CACNA1E: variants seen among roughly 807,000 people sequenced by gnomAD.
CACNA1E encodes voltage-dependent R-type calcium channel subunit alpha-1E.
CACNA1E carries 40 observed loss-of-function variants against 259.2 expected under a neutral mutation model. The observed-to-expected ratio is 0.15, with a 90% confidence interval of 0.12 to 0.20. The LOEUF (loss-of-function observed/expected upper bound fraction) is 0.20, where lower values mean the gene tolerates loss of function less well. Among genes scored for constraint, CACNA1E ranks in the 10% least tolerant of loss-of-function variants. The pLI, the probability that CACNA1E is intolerant of heterozygous loss-of-function variation, is 1.00. For synonymous variants in CACNA1E, 1,104 were observed against 1,138.5 expected, an observed-to-expected ratio of 0.97 and a Z score of 0.61; for missense variants, 1,874 against 3,040.1, an observed-to-expected ratio of 0.62 and a Z score of 9.02.
chr1:181,651,221 A>G (rs1658731018), intron 6 of CACNA1E, 117 bp from the exon 7 acceptor site: 2 of 664,238 alleles, frequency 3.0e-6, no homozygotes, highest in South Asian at 1.9e-5. Flanking sequence ...GAGTAAGGCA[A>G]TATTTAACTG....
chr1:181,431,707 T>A lies in CACNA1E; in HGVS notation c.434+18127T>A, dbSNP rs562523995. On this transcript the variant is annotated intron_variant, in intron 2 of 11. Transcript: ENST00000524607. ...ATGGAGCCTGCTTTGCCTGGCATTC[T>A]GCAGGATTCTTTAGTACAAGGATTT... Among the ~76,000 whole-genome samples, 10 of 152,358 alleles carry A rather than the reference T, an allele frequency of 6.6e-5. No homozygotes were observed. The East Asian group carries it at 1.7e-3, about 26-fold the overall frequency.
At position 181,325,897 on chromosome 1, in the gene CACNA1E, G is replaced by GT. The variant is rs759026327; in HGVS notation, c.-15+7774_-15+7775insT. On this transcript the variant is annotated intron_variant, in intron 1 of 11. Coordinates refer to the CACNA1E transcript ENST00000524607. The stretch of plus-strand genomic sequence containing the variant: ...CGGCGCTCCCCTCCCAGGCCGCAGG[G>GT]GACAGACAGGGATTGGGTTCTGTGT... 2.0e-5 allele frequency among the ~76,000 whole-genome samples: 3 copies of GT among 152,176 alleles called. No homozygotes were observed. In the East Asian group the frequency reaches 5.8e-4, roughly 29 times the overall value.
Position 181,757,205 on chromosome 1 carries a change from A to G in CACNA1E, c.4329+79A>G, listed in dbSNP as rs1658160880. The G allele has an allele frequency of 7.4e-6, 7 of 947,318 alleles. No homozygotes were observed. The South Asian group carries it at 8.3e-5, about 11-fold the overall frequency. 58.7% of individuals were successfully genotyped at this position (947,318 alleles called of 1,614,324 possible). A position where few individuals can be genotyped will look rare whatever the true frequency, so the allele number is the denominator to read the frequency against. On this transcript the variant is annotated intron_variant, in intron 30 of 47. Transcript: ENST00000367573. Reference sequence around the variant, plus strand: ...TGGGCCAGCAATGTAAGAAAGGAGGACTGCATTTTCTTAACTTGATTAAGA... The same window carrying G: ...TGGGCCAGCAATGTAAGAAAGGAGGGCTGCATTTTCTTAACTTGATTAAGA...
chr1:181,695,440 A>C (rs1237949911), intron 7 of CACNA1E, among the ~76,000 whole-genome samples: 2 of 152,208 alleles, frequency 1.3e-5, no homozygotes, highest in African/African-American at 4.8e-5. Context: ...AAAGAGAACA[A>C]AATTGTAGGA....
intron 1 of CACNA1E, among the ~76,000 whole-genome samples, chr1:181,387,711 C>T (rs1367666225): frequency 2.0e-5 from 3 of 152,170 alleles, no homozygotes; most frequent in Non-Finnish European, 4.4e-5. Context: ...GGGATCCTGC[C>T]CTGGCAGAGT....
chr1:181,390,161 C>T (rs1656152992), intron 1 of CACNA1E, among the ~76,000 whole-genome samples: 1 of 152,136 alleles, frequency 6.6e-6, no homozygotes, highest in Non-Finnish European at 1.5e-5. Flanking sequence ...TTCAGAAGAG[C>T]AAAGTGGGAG....
chr1:181,674,309 C>T (rs979169504), intron 7 of CACNA1E, among the ~76,000 whole-genome samples: 20 of 135,168 alleles, frequency 1.5e-4, no homozygotes, highest in African/African-American at 5.0e-4. Context: ...AGCAGAATGG[C>T]GTGAACCTGG....
chr1:181,543,316 G>C (rs1247846567), intron 3 of CACNA1E, among the ~76,000 whole-genome samples: 1 of 152,164 alleles, frequency 6.6e-6, no homozygotes, highest in Non-Finnish European at 1.5e-5. Context: ...TAGGGTTTCA[G>C]GTTCCTGAGT....
intron 1 of CACNA1E, among the ~76,000 whole-genome samples, chr1:181,376,713 G>T (rs886244232): frequency 2.6e-5 from 4 of 152,166 alleles, no homozygotes; most frequent in Admixed American, 6.5e-5. Flanking sequence ...CTAAGCTGCT[G>T]TCTCCTAGTT....
rs1662599372 is a variant in CACNA1E at position 181,806,055 on chromosome 1, G to A, written c.*7221G>A. On this transcript the variant is annotated 3_prime_UTR_variant, in exon 48 of 48. Coordinates refer to ENST00000367573, the MANE Select transcript of CACNA1E (RefSeq NM_001205293.3). ...GGTAGTGGCTTTGAAGGCCTCAGAG[G>A]ATTAATAGATTCCCAAAATTTTCTT... 6.6e-6 allele frequency: 1 copy of A among 152,218 alleles called. No homozygotes were observed. 9.4% of individuals were successfully genotyped at this position (152,218 alleles called of 1,614,324 possible).
chr1:181,793,283 A>G (rs1253873204), intron 44 of CACNA1E, among the ~76,000 whole-genome samples: 1 of 152,266 alleles, frequency 6.6e-6, no homozygotes, highest in African/African-American at 2.4e-5. Context: ...AATTGATAAA[A>G]GGCTTCTTCA....
intron 2 of CACNA1E, among the ~76,000 whole-genome samples, chr1:181,421,436 C>A (rs1658738029): frequency 6.6e-6 from 1 of 152,146 alleles, no homozygotes; most frequent in Admixed American, 6.5e-5. Context: ...CCCTGGGTGA[C>A]CTCACCAGGT....
At chr1:181,685,902 G>A (rs996758628) in intron 7 of CACNA1E, among the ~76,000 whole-genome samples, 45 of 152,068 alleles carry the variant, frequency 3.0e-4, no homozygotes, top group African/African-American at 1.0e-3. Flanking sequence ...AGTTCTCTAA[G>A]TTTTACTTCC....
chr1:181,647,226 G>A (rs1161785274), intron 6 of CACNA1E, among the ~76,000 whole-genome samples: 2 of 152,148 alleles, frequency 1.3e-5, no homozygotes, highest in African/African-American at 4.8e-5. Context: ...TTGCAGGGAG[G>A]GCCCTGGTTT....
intron 3 of CACNA1E, among the ~76,000 whole-genome samples, chr1:181,536,790 A>T (rs1264924930): frequency 6.6e-6 from 1 of 152,104 alleles, no homozygotes; most frequent in Non-Finnish European, 1.5e-5. Flanking sequence ...CCTCTCAGGC[A>T]TGGAAAGGCA....
At chr1:181,634,486 T>C (rs1221236803) in intron 6 of CACNA1E, among the ~76,000 whole-genome samples, 1 of 152,224 alleles carries the variant, frequency 6.6e-6, no homozygotes, top group Non-Finnish European at 1.5e-5. Flanking sequence ...ACACATTTCT[T>C]CTTGGAAACA....
At chr1:181,701,413 C>G (rs1005898692) in intron 7 of CACNA1E, among the ~76,000 whole-genome samples, 3 of 139,832 alleles carry the variant, frequency 2.1e-5, no homozygotes, top group Admixed American at 2.1e-4. Context: ...ATATGAAATG[C>G]TCTTACTTCC....
intron 7 of CACNA1E, among the ~76,000 whole-genome samples, chr1:181,690,030 T>G (rs889103818): frequency 1.3e-5 from 2 of 152,208 alleles, no homozygotes; most frequent in African/African-American, 4.8e-5. Context: ...TTTTGGTGTT[T>G]TAGTCGTGAA....
At chr1:181,584,164 G>T (rs1416474844) in intron 6 of CACNA1E, among the ~76,000 whole-genome samples, 2 of 152,160 alleles carry the variant, frequency 1.3e-5, no homozygotes, top group African/African-American at 4.8e-5. Flanking sequence ...CTAATTCCCA[G>T]ATTGCAGAGG....
Sources: gnomAD v4.1 joint callset for allele counts (sites outside exome capture counted in the v4.1 genomes callset) on GRCh38, gnomAD v4.1.1 for gene constraint, MANE v1.5 for transcripts, NCBI Gene and HGNC (gene_info 2026-07-23, HGNC 2026-07-21) for gene names.